The following MAGI2 variants were observed in gnomAD, a reference collection of about 807,000 sequenced individuals.
MAGI2 encodes membrane associated guanylate kinase, WW and PDZ domain containing 2.
A neutral mutation model predicts 133.3 loss-of-function variants in MAGI2; 35 were observed. That is an observed-to-expected ratio of 0.26 (90% CI 0.20 to 0.35). The LOEUF (loss-of-function observed/expected upper bound fraction) is 0.35, where lower values mean the gene tolerates loss of function less well. Ranked by LOEUF, MAGI2 falls within the 10% of genes least tolerant of loss-of-function variation. The pLI, the probability that MAGI2 is intolerant of heterozygous loss-of-function variation, is 1.00. For missense variants in MAGI2, 1,636 were observed against 1,863.4 expected (o/e 0.88, Z 2.25); for synonymous variants, 729 against 710.6 (o/e 1.03, Z -0.41).
At chr7:78,368,830 G>T (rs1245608714) in intron 7 of MAGI2, among the ~76,000 whole-genome samples, 2 of 152,076 alleles carry the variant, frequency 1.3e-5, no homozygotes, top group Non-Finnish European at 2.9e-5. Flanking sequence ...CATCTCATTT[G>T]CACAACCAGT....
At chr7:78,361,804 G>A (rs1792841014) in intron 7 of MAGI2, among the ~76,000 whole-genome samples, 1 of 152,154 alleles carries the variant, frequency 6.6e-6, no homozygotes, top group Non-Finnish European at 1.5e-5. Context: ...CAGTTTAAGG[G>A]TGGCGGAGTA....
intron 20 of MAGI2, among the ~76,000 whole-genome samples, chr7:78,102,373 G>A (rs993455082): frequency 6.6e-6 from 1 of 152,090 alleles, no homozygotes; most frequent in Non-Finnish European, 1.5e-5. Context: ...AAAAATTAAT[G>A]GTAACTGTTG....
intron 15 of MAGI2, among the ~76,000 whole-genome samples, chr7:78,166,260 G>A (rs1171559817): frequency 1.3e-5 from 2 of 152,178 alleles, no homozygotes; most frequent in African/African-American, 4.8e-5. Context: ...AATTATGTTG[G>A]TGCATTGGTT....
chr7:78,305,057 T>C (rs911297540), intron 9 of MAGI2, among the ~76,000 whole-genome samples: 1 of 152,224 alleles, frequency 6.6e-6, no homozygotes, highest in Admixed American at 6.5e-5. Context: ...TTTTTATTTC[T>C]TTTGAAAACA....
chr7:79,184,939 C>T (rs549048307), intron 1 of MAGI2, among the ~76,000 whole-genome samples: 1 of 151,496 alleles, frequency 6.6e-6, no homozygotes, highest in Admixed American at 6.6e-5. Flanking sequence ...TATGGCAACA[C>T]AATTAATGGC....
intron 2 of MAGI2, among the ~76,000 whole-genome samples, chr7:78,693,864 T>C (rs1480851978): frequency 2.0e-5 from 3 of 152,162 alleles, no homozygotes; most frequent in Non-Finnish European, 4.4e-5. Flanking sequence ...GGCTCCACGG[T>C]GAGACTGTCT....
At chr7:78,538,759 T>C (rs1488554881) in intron 3 of MAGI2, among the ~76,000 whole-genome samples, 1 of 152,214 alleles carries the variant, frequency 6.6e-6, no homozygotes, top group Non-Finnish European at 1.5e-5. Flanking sequence ...CTTTAGGGTT[T>C]TCTAGGTATT....
intron 2 of MAGI2, among the ~76,000 whole-genome samples, chr7:78,988,892 T>C (rs953221938): frequency 6.6e-6 from 1 of 152,082 alleles, no homozygotes; most frequent in Non-Finnish European, 1.5e-5. Context: ...AAGGCCAAGA[T>C]AGACAGATGA....
intron 1 of MAGI2, chr7:79,411,861 A>C (rs995415363): frequency 3.9e-5 from 6 of 152,156 alleles, no homozygotes; most frequent in African/African-American, 1.4e-4. Context: ...TGAAAGGAAA[A>C]ATTGAATACT....
chr7:79,097,498 C>A (rs1817620897), intron 1 of MAGI2, among the ~76,000 whole-genome samples: 1 of 152,120 alleles, frequency 6.6e-6, no homozygotes, highest in Admixed American at 6.5e-5. Context: ...TTAGGACAGG[C>A]AGCCAAGAAA....
chr7:79,010,274 G>A (rs912398484), intron 1 of MAGI2, among the ~76,000 whole-genome samples: 1 of 151,916 alleles, frequency 6.6e-6, no homozygotes, highest in African/African-American at 2.4e-5. Context: ...ATGTATGTAT[G>A]TATGTATATA....
At chr7:79,310,147 G>A (rs1386321716) in intron 1 of MAGI2, among the ~76,000 whole-genome samples, 1 of 94,750 alleles carries the variant, frequency 1.1e-5, no homozygotes, top group East Asian at 3.5e-4. Flanking sequence ...CTGGGAGACA[G>A]AGGAGAGTCC....
intron 1 of MAGI2, among the ~76,000 whole-genome samples, chr7:79,436,848 A>G (rs562780233): frequency 9.8e-5 from 15 of 152,314 alleles, no homozygotes; most frequent in Admixed American, 7.8e-4. Context: ...ATTACTGGGT[A>G]TATACCTAAC....
At chr7:79,130,754 T>G (rs1404424321) in intron 1 of MAGI2, among the ~76,000 whole-genome samples, 1 of 152,208 alleles carries the variant, frequency 6.6e-6, no homozygotes, top group African/African-American at 2.4e-5. Flanking sequence ...TGCCATGTGC[T>G]AGAGACTGTA....
chr7:78,317,222 G>A (rs1562810651), intron 9 of MAGI2, among the ~76,000 whole-genome samples: 3 of 152,196 alleles, frequency 2.0e-5, no homozygotes, highest in Non-Finnish European at 4.4e-5. Flanking sequence ...AGTATTGAGT[G>A]AGAATTCATT....
At chr7:79,380,276 T>C (rs2129142118) in intron 1 of MAGI2, among the ~76,000 whole-genome samples, 1 of 151,900 alleles carries the variant, frequency 6.6e-6, no homozygotes, top group African/African-American at 2.4e-5. Context: ...TCCAGAATCT[T>C]CATGTCTTCT....
At chr7:78,645,640 G>GGTGTGTGTGTGT (rs59287974) in intron 2 of MAGI2, among the ~76,000 whole-genome samples, 1 of 147,348 alleles carries the variant, frequency 6.8e-6, no homozygotes, top group African/African-American at 2.5e-5. Context: ...ATATAAGTGT[G>GGTGTGTGTGTGT]GTGTGTGTGT....
chr7:78,446,476 A>G (rs1332551504), intron 6 of MAGI2, among the ~76,000 whole-genome samples: 2 of 152,132 alleles, frequency 1.3e-5, no homozygotes, highest in Admixed American at 6.6e-5. Flanking sequence ...GGACTTGTCC[A>G]TATATACCAC....
intron 2 of MAGI2, among the ~76,000 whole-genome samples, chr7:78,841,242 A>G (rs776019305): frequency 7.9e-5 from 12 of 152,032 alleles, no homozygotes; most frequent in Non-Finnish European, 1.6e-4. Context: ...TTGCCTTCAT[A>G]ATGATCACAT....
Sources: gnomAD v4.1 joint callset for allele counts (sites outside exome capture counted in the v4.1 genomes callset) on GRCh38, gnomAD v4.1.1 for gene constraint, MANE v1.5 for transcripts, NCBI Gene and HGNC (gene_info 2026-07-23, HGNC 2026-07-21) for gene names.